The following NBEAL1 variants were observed in gnomAD, a reference collection of about 807,000 sequenced individuals.
NBEAL1 encodes neurobeachin-like protein 1.
Under a neutral mutation model 351.3 loss-of-function variants are expected in NBEAL1, and 273 were observed. The ratio of observed to expected loss-of-function variants is 0.78; its 90% CI spans 0.70 to 0.86. NBEAL1 has a LOEUF of 0.86. Among genes scored for constraint, NBEAL1 ranks in the 40% least tolerant of loss-of-function variants. The pLI is 0.00. For synonymous variants in NBEAL1, 1,050 were observed against 1,086.4 expected (o/e 0.97, Z 0.66); for missense variants, 2,961 against 3,201.3 (o/e 0.92, Z 1.81).
At position 203,107,995 on chromosome 2, in the gene NBEAL1, A is replaced by G. The variant is rs933284337; in HGVS notation, c.1756A>G (p.Met586Val). The G allele has an allele frequency of 9.6e-6, 15 of 1,554,492 alleles. No homozygotes were observed. Among genetic ancestry groups the G allele is most frequent in the African/African-American group, 1.4e-5 (1 of 73,464 alleles). The change falls in exon 14 of 56, where the codon ATG becomes GTG. Residue 586 changes from methionine (M) to valine (V), a missense_variant. Coordinates refer to ENST00000683969, the MANE Select transcript of NBEAL1 (RefSeq NM_001378026.1). ...TCCCGTGACTCGAGCAATCCTGACA[A>G]TGGCCCGAAAACTAAGTCTAGAGAG... ...VTPVTRAILT[M>V]ARKLSLESAL... is the part of the protein sequence containing the mutation.
Position 203,049,865 on chromosome 2 carries a change from G to T in NBEAL1, c.195G>T (p.Gln65His). Residue 65 changes from glutamine (Q) to histidine (H), a missense_variant, in exon 4 of 56, where the codon CAG becomes CAT. Physicochemically the swap from Gln to His is conservative, Grantham distance 24 (BLOSUM62 0). Transcript: ENST00000683969. Reference sequence around the variant, plus strand: ...CTCTGCTTCCTGATAATATTCTGCAGGTTCTGAGGATCCAGCTTCTACAGT... The same window carrying T: ...CTCTGCTTCCTGATAATATTCTGCATGTTCTGAGGATCCAGCTTCTACAGT... ...GISLLPDNIL[Q>H]VLRIQLLQCV... The T allele has an allele frequency of 6.4e-7, 1 of 1,556,100 alleles. No homozygotes were observed. The highest frequency in any genetic ancestry group is 8.7e-7 in the Non-Finnish European group (1 of 1,148,056).
chr2:203,116,036 T>C lies in NBEAL1; in HGVS notation c.2558T>C (p.Leu853Pro), dbSNP rs2062688885. The C allele has an allele frequency of 1.3e-6, 2 of 1,553,678 alleles. No homozygotes were observed. Among genetic ancestry groups the C allele is most frequent in the Non-Finnish European group, 1.7e-6 (2 of 1,147,446 alleles). Residue 853 changes from leucine to proline, a missense_variant, in exon 18 of 56, where the codon CTG (leucine) becomes CCG (proline). Physicochemically the swap from Leu to Pro is moderately conservative, Grantham distance 98. Transcript: ENST00000683969. ...TGTCAAGAGTCTGACATGGCCGACC[T>C]GCCTGGTAACATCCTTCTTTACTAC... ...WKCQESDMAD[L>P]PGNILLYYTA...
At chr2:203,147,484 C>T (rs964632771) in intron 33 of NBEAL1, among the ~76,000 whole-genome samples, 2 of 151,722 alleles carry the variant, frequency 1.3e-5, no homozygotes, top group African/African-American at 4.8e-5. Context: ...TGTATATATG[C>T]CAAAAACTAA....
intron 24 of NBEAL1, among the ~76,000 whole-genome samples, chr2:203,128,546 G>A (rs2062999500): frequency 6.6e-6 from 1 of 151,522 alleles, no homozygotes; most frequent in South Asian, 2.1e-4. Context: ...AGTCTGCGTG[G>A]TGTATGTTTA....
chr2:203,081,513 A>T (rs1038552760), intron 8 of NBEAL1, among the ~76,000 whole-genome samples: 5 of 152,252 alleles, frequency 3.3e-5, no homozygotes, highest in African/African-American at 9.6e-5. Flanking sequence ...CTAAGTAAAT[A>T]AAAGTTTTAT....
At position 203,166,267 on chromosome 2, in the gene NBEAL1, T is replaced by C. The variant is rs2064126885; in HGVS notation, c.5833T>C (p.Phe1945Leu). 1.2e-6 allele frequency: 2 copies of C among 1,607,008 alleles called. No homozygotes were observed. The highest frequency in any genetic ancestry group is 1.7e-5 in the Admixed American group (1 of 58,010). ...RLEITTQHIY[F>L]YDGSIEKEDG... ...AGAAATCACTACTCAACACATTTAC[T>C]TCTATGATGGCAGCATTGAAAAAGA... The change falls in exon 37 of 56, where the codon TTC (phenylalanine) becomes CTC (leucine). Residue 1945 changes from phenylalanine to leucine, a missense_variant. Transcript: ENST00000683969.
chr2:203,112,342 A>G (rs1274210309), intron 16 of NBEAL1, among the ~76,000 whole-genome samples: 2 of 152,258 alleles, frequency 1.3e-5, no homozygotes, highest in Non-Finnish European at 2.9e-5. Flanking sequence ...AGAAAGACTT[A>G]TAACAGGAAA....
intron 25 of NBEAL1, 109 bp downstream of exon 25, chr2:203,130,585 C>T (rs1024273575): frequency 1.5e-6 from 1 of 687,044 alleles, no homozygotes; most frequent in Non-Finnish European, 2.1e-6. Flanking sequence ...ATCTATTTCT[C>T]TAAGATGTTC....
At chr2:203,115,765 TA>T (rs1298670922) in intron 17 of NBEAL1, among the ~76,000 whole-genome samples, 3 of 152,118 alleles carry the variant, frequency 2.0e-5, no homozygotes, top group African/African-American at 4.8e-5. Flanking sequence ...TAATACTATA[TA>T]AAAAAAATTT....
intron 44 of NBEAL1, among the ~76,000 whole-genome samples, chr2:203,184,073 C>T (rs2064817184): frequency 1.1e-5 from 1 of 89,026 alleles, no homozygotes; most frequent in Non-Finnish European, 2.1e-5. Flanking sequence ...GCGAGACTGT[C>T]TAAAAAAAAA....
Position 203,107,908 on chromosome 2 carries a change from A to G in NBEAL1, c.1669A>G (p.Ile557Val). Residue 557 changes from isoleucine (I) to valine (V), a missense_variant, in exon 14 of 56, where the codon ATC becomes GTC. Transcript: ENST00000683969. ...LGSQSVSSEE[I>V]RRLLRLLRVD... ...GAGTCAGTCAGTGAGCTCAGAAGAA[A>G]TCCGTCGACTACTGAGATTGCTGAG... 1 of 1,553,782 alleles carries G rather than the reference A, an allele frequency of 6.4e-7. No homozygotes were observed. Among genetic ancestry groups the G allele is most frequent in the South Asian group, 1.2e-5 (1 of 84,226 alleles).
chr2:203,020,562 T>A (rs899296741), intron 2 of NBEAL1, among the ~76,000 whole-genome samples: 1 of 151,268 alleles, frequency 6.6e-6, no homozygotes, highest in Admixed American at 6.6e-5. Context: ...TCCCAGCTAC[T>A]CAGGAGGCTG....
chr2:203,199,304 C>A (rs1168432936), intron 48 of NBEAL1, 34 bp from the exon 49 acceptor site: 1 of 1,223,590 alleles, frequency 8.2e-7, no homozygotes, highest in Non-Finnish European at 1.2e-6. Context: ...CTTAATATTT[C>A]ATTTAATTTG....
At chr2:203,095,132 G>C (rs2062154706) in intron 10 of NBEAL1, among the ~76,000 whole-genome samples, 1 of 151,984 alleles carries the variant, frequency 6.6e-6, no homozygotes, top group Admixed American at 6.6e-5. Context: ...CTCAAAAAAA[G>C]AAGAGAAAAG....
At chr2:203,121,500 AAT>A (rs1022609431) in intron 18 of NBEAL1, among the ~76,000 whole-genome samples, 7 of 151,702 alleles carry the variant, frequency 4.6e-5, no homozygotes, top group African/African-American at 1.4e-4. Context: ...TAAAAATACA[AAT>A]TAAGCCAGAT....
intron 38 of NBEAL1, among the ~76,000 whole-genome samples, chr2:203,168,174 G>C (rs1164122642): frequency 6.6e-6 from 1 of 152,226 alleles, no homozygotes; most frequent in Non-Finnish European, 1.5e-5. Flanking sequence ...ATGGAAAGCT[G>C]TGTCATGTAA....
At position 203,190,490 on chromosome 2, in the gene NBEAL1, C is replaced by T. The variant is rs139861575; in HGVS notation, c.6921+101C>T. On this transcript the variant is annotated intron_variant, in intron 46 of 55. Coordinates refer to ENST00000683969, the MANE Select transcript of NBEAL1 (RefSeq NM_001378026.1). ...CAAGATCCATGTATATAGCCAGTTACTCTCAGTCACAGAAAGATTTCTGTT... is the reference window on the plus strand; with the variant it reads ...CAAGATCCATGTATATAGCCAGTTATTCTCAGTCACAGAAAGATTTCTGTT... 2.2e-4 allele frequency: 183 copies of T among 832,624 alleles called. No individual in the cohort carries two copies. The East Asian group carries it at 4.3e-3, about 20-fold the overall frequency. The allele number at this position is 832,624 out of a possible 1,614,324, so 51.6% of individuals were successfully genotyped here.
intron 6 of NBEAL1, among the ~76,000 whole-genome samples, chr2:203,063,656 T>C (rs957781381): frequency 3.9e-5 from 6 of 152,178 alleles, no homozygotes; most frequent in Admixed American, 2.6e-4. Context: ...AATATACTTA[T>C]TGAGTTTCTA....
Position 203,135,840 on chromosome 2 carries a change from A to C in NBEAL1, c.3977A>C (p.Asn1326Thr). 1 of 1,614,034 alleles carries C rather than the reference A, an allele frequency of 6.2e-7. No individual in the cohort carries two copies. Among genetic ancestry groups the C allele is most frequent in the Non-Finnish European group, 8.5e-7 (1 of 1,179,978 alleles). ...GTTTTAATGAAAGACAATGATAAAA[A>C]TATGTCAACTGAAGATACCAAGAAG... ...RAVLMKDNDK[N>T]MSTEDTKKNS... Residue 1326 changes from asparagine (N) to threonine (T), a missense_variant, in exon 28 of 56, where the codon AAT (asparagine) becomes ACT (threonine). Coordinates refer to ENST00000683969, the MANE Select transcript of NBEAL1 (RefSeq NM_001378026.1).
Sources: allele counts gnomAD v4.1 joint callset (sites outside exome capture counted in the v4.1 genomes callset), GRCh38; gene constraint gnomAD v4.1.1; transcripts MANE v1.5; gene names NCBI Gene and HGNC (gene_info 2026-07-23, HGNC 2026-07-21).